Variants in INTS11 observed in about 807,000 individuals in gnomAD.
INTS11 encodes integrator complex subunit 11, also known as CPSF3-like protein.
In INTS11, 77 loss-of-function variants were observed where a neutral mutation model predicts 78.6. The observed-to-expected ratio is 0.98, with a 90% CI of 0.81 to 1.18. INTS11 has a LOEUF of 1.18. Ranked by LOEUF, INTS11 falls within the 50% of genes most tolerant of loss-of-function variation. The pLI is 0.00. For missense variants in INTS11, 875 were observed against 825.9 expected (o/e 1.06, Z -0.73); for synonymous variants, 441 against 326.9 (o/e 1.35, Z -3.77).
chr1:1,312,213 G>GGGGGGGGCCCCCCCCCCCCCCCCCCCC lies in INTS11; in HGVS notation c.1607+12_1607+13insGGGGGGGGGGGGGGGGGGGGCCCCCCC. Reference sequence around the variant, plus strand: ...CCCAAGGGAGTGGGGGGGGGGCGGGGCCGGGCGCCCACCTCTTGAGGTGGC... The same window carrying GGGGGGGGCCCCCCCCCCCCCCCCCCCC: ...CCCAAGGGAGTGGGGGGGGGGCGGGGGGGGGGGCCCCCCCCCCCCCCCCCCCCCCGGGCGCCCACCTCTTGAGGTGGC... On this transcript the variant is annotated intron_variant, in intron 15 of 16. Coordinates refer to ENST00000435064, the MANE Select transcript of INTS11 (RefSeq NM_017871.6). 2.1e-6 allele frequency: 2 copies of GGGGGGGGCCCCCCCCCCCCCCCCCCCC among 934,616 alleles called. No individual in the cohort carries two copies. Among genetic ancestry groups the GGGGGGGGCCCCCCCCCCCCCCCCCCCC allele is most frequent in the Non-Finnish European group, 1.6e-6 (1 of 636,664 alleles). 57.9% of individuals were successfully genotyped at this position (934,616 alleles called of 1,614,324 possible). A position where few individuals can be genotyped will look rare whatever the true frequency, so the allele number is the denominator to read the frequency against.
At chr1:1,323,029 TG>T (rs1643054947) in intron 1 of INTS11, 1 of 1,412,824 alleles carries the variant, frequency 7.1e-7, no homozygotes, top group African/African-American at 1.4e-5. Context: ...AGGGGCAGGC[TG>T]GGAGGACCCC....
In INTS11 at chr1:1,311,872, T is replaced by C; in HGVS notation, c.1790A>G (p.Gln597Arg). The C allele has an allele frequency of 6.4e-7, 1 of 1,560,838 alleles. No homozygotes were observed. Among genetic ancestry groups the C allele is most frequent in the South Asian group, 1.2e-5 (1 of 83,816 alleles). ...LTSLLKKGLPQAPS is the reference protein window; with the variant it reads ...LTSLLKKGLPRAPS ...GAGTTGCCGGCCTCAGCTGGGGGCCTGGGGGAGGCCCTTCTTCAGCAGAGA... is the reference window on the plus strand; with the variant it reads ...GAGTTGCCGGCCTCAGCTGGGGGCCCGGGGGAGGCCCTTCTTCAGCAGAGA... The change falls in exon 17 of 17, where the codon CAG (glutamine) becomes CGG (arginine). Residue 597 changes from glutamine (Q) to arginine (R), a missense_variant. Gln to Arg is a conservative substitution (Grantham distance 43). Coordinates refer to ENST00000435064, the MANE Select transcript of INTS11 (RefSeq NM_017871.6).
Position 1,311,775 on chromosome 1 carries a change from A to G in INTS11, c.*84T>C. On this transcript the variant is annotated 3_prime_UTR_variant, in exon 17 of 17. Transcript: ENST00000435064. ...TGGGACCTGCAGGGTCTGTTCACCC[A>G]GGGCACCCACAGTCCTGAAGTGCAG... The G allele has an allele frequency of 7.3e-7, 1 of 1,377,168 alleles. No individual in the cohort carries two copies. The highest frequency in any genetic ancestry group is 1.4e-5 in the South Asian group (1 of 73,760). The allele number at this position is 1,377,168 out of a possible 1,614,324, so 85.3% of individuals were successfully genotyped here.
In INTS11 at chr1:1,312,628, A is replaced by G; in HGVS notation, c.1367T>C (p.Ile456Thr). The change falls in exon 13 of 17, where the codon ATC (isoleucine) becomes ACC (threonine). Residue 456 changes from isoleucine (I) to threonine (T), a missense_variant. Physicochemically the swap from Ile to Thr is moderately conservative, Grantham distance 89. Transcript: ENST00000435064. ...CTCCCGCTTCAGCAGCCCCAGCGAG[A>G]TGCCTACGGGGATGCTGGGGCTTGT... ...LPTSPSIPVG[I>T]SLGLLKREMA... 6.3e-7 allele frequency: 1 copy of G among 1,584,188 alleles called. No homozygotes were observed. Among genetic ancestry groups the G allele is most frequent in the Non-Finnish European group, 8.6e-7 (1 of 1,160,624 alleles).
At chr1:1,319,163 T>G (rs755015463) in intron 4 of INTS11, 133 bp downstream of exon 4, 2 of 876,870 alleles carry the variant, frequency 2.3e-6, no homozygotes, top group Non-Finnish European at 3.9e-6. Flanking sequence ...CCCACGGTGC[T>G]GGACGCAAGA....
rs937794266 is a variant in INTS11 at position 1,312,960 on chromosome 1, C to A, written c.1132-11G>T. ...CATCTTGACCTCCAGCTACAGAGGCCACGGGGCGTGGACAGTGGTTACCAC... is the reference window on the plus strand; with the variant it reads ...CATCTTGACCTCCAGCTACAGAGGCAACGGGGCGTGGACAGTGGTTACCAC... On this transcript the variant is annotated splice_polypyrimidine_tract_variant and intron_variant, in intron 11 of 16. Transcript: ENST00000435064. The A allele has an allele frequency of 6.2e-7, 1 of 1,611,664 alleles. No homozygotes were observed.
chr1:1,324,651 G>T lies in INTS11; in HGVS notation c.-43C>A. 6.3e-7 allele frequency: 1 copy of T among 1,594,170 alleles called. No individual in the cohort carries two copies. Among genetic ancestry groups the T allele is most frequent in the East Asian group, 2.4e-5 (1 of 42,446 alleles). ...CGGACCCGCGAGGCCCGCCTGCGGT[G>T]ATGCACTGCGCAGGCGCAACCACCT... is the stretch of plus-strand genomic sequence containing the variant. On this transcript the variant is annotated 5_prime_UTR_variant, in exon 1 of 17. Coordinates refer to ENST00000435064, the MANE Select transcript of INTS11 (RefSeq NM_017871.6).
In INTS11 at chr1:1,312,648, G is replaced by T; in HGVS notation, c.1347C>A (p.Ser449Arg). 1.3e-6 allele frequency: 2 copies of T among 1,593,702 alleles called. No homozygotes were observed. The highest frequency in any genetic ancestry group is 1.7e-6 in the Non-Finnish European group (2 of 1,166,746). ...ANGETVTLPTSPSIPVGISLG... is the reference protein window; with the variant it reads ...ANGETVTLPTRPSIPVGISLG... ...GCGAGATGCCTACGGGGATGCTGGG[G>T]CTTGTGGGCAGCGTCACCGTCTCGC... The change falls in exon 13 of 17, where the codon AGC becomes AGA. Residue 449 changes from serine (S) to arginine (R), a missense_variant. Transcript: ENST00000435064.
In INTS11 at chr1:1,312,276, G is replaced by A. The variant is rs1642248859; in HGVS notation, c.1557C>T (p.Asp519=). The A allele has an allele frequency of 6.5e-7, 1 of 1,549,902 alleles. No individual in the cohort carries two copies. Among genetic ancestry groups the A allele is most frequent in the East Asian group, 2.4e-5 (1 of 41,264 alleles). ...ATGCCGTCTCCTGCTCCTTGCGTGT[G>A]TCATGCAGGTGCACGCGGCAGGTGA... ...LRFTCRVHLH[D]TRKEQETALR... is the part of the protein sequence containing the mutation. The change falls in exon 15 of 17, where the codon GAC becomes GAT. Residue 519 remains aspartate (D), a synonymous_variant. Coordinates refer to ENST00000435064, the MANE Select transcript of INTS11 (RefSeq NM_017871.6).
intron 4 of INTS11, chr1:1,316,254 C>T (rs1439383357): frequency 1.3e-5 from 2 of 155,190 alleles, no homozygotes; most frequent in African/African-American, 4.8e-5. Flanking sequence ...TGCACTCTAG[C>T]CTGGGCAATG....
rs1642419007 is a variant in INTS11, at chr1:1,314,039, G to A, written c.768-118C>T. On this transcript the variant is annotated intron_variant, in intron 8 of 16. Coordinates refer to ENST00000435064, the MANE Select transcript of INTS11 (RefSeq NM_017871.6). The surrounding 1 kb of genome is among the most constrained non-coding windows in gnomAD (Gnocchi z 4.2). The stretch of plus-strand genomic sequence containing the variant: ...ACAGCCCACGCACGGGCCAGGTTGA[G>A]TCCAGTCGCGACCACTTGTCCCATT... The A allele has an allele frequency of 9.5e-7, 1 of 1,049,718 alleles. No homozygotes were observed. The highest frequency in any genetic ancestry group is 1.4e-6 in the Non-Finnish European group (1 of 711,764). 65.0% of individuals were successfully genotyped at this position (1,049,718 alleles called of 1,614,324 possible).
chr1:1,324,179 G>GGGGGCTGCTGGGCTGA (rs1449906347), intron 1 of INTS11, among the ~76,000 whole-genome samples: 7 of 16,632 alleles, frequency 4.2e-4, no homozygotes, highest in African/African-American at 6.2e-4. Flanking sequence ...TGAGGGGCTG[G>GGGGGCTGCTGGGCTGA]GAGGCTGAGA....
chr1:1,321,197 C>A (rs921660437), intron 1 of INTS11, 104 bp from the exon 2 acceptor site: 46 of 858,738 alleles, frequency 5.4e-5, no homozygotes, highest in African/African-American at 1.5e-4. Flanking sequence ...CGGACCAAGT[C>A]TGCTGTGTGG....
At chr1:1,323,983 A>G (rs1269086503) in intron 1 of INTS11, among the ~76,000 whole-genome samples, 6 of 1,474 alleles carry the variant, frequency 4.1e-3, no homozygotes, top group African/African-American at 0.014. Flanking sequence ...GGGCTGGGGG[A>G]CTGAGGGGCT....
In INTS11 at chr1:1,311,886, C is replaced by G; in HGVS notation, c.1776G>C (p.Lys592Asn). ...AGCTGGGGGCCTGGGGGAGGCCCTT[C>G]TTCAGCAGAGATGTGAGGAAGCTCC... ...ELGSFLTSLL[K>N]KGLPQAPS The change falls in exon 17 of 17, where the codon AAG becomes AAC. Residue 592 changes from lysine to asparagine, a missense_variant. Lys to Asn is a moderately conservative substitution (Grantham distance 94, BLOSUM62 0). Transcript: ENST00000435064. The G allele has an allele frequency of 2.5e-6, 4 of 1,569,130 alleles. No homozygotes were observed. Among genetic ancestry groups the G allele is most frequent in the Non-Finnish European group, 3.5e-6 (4 of 1,157,318 alleles).
At chr1:1,319,131 C>T (rs763738398) in intron 4 of INTS11, 165 bp downstream of exon 4, 22 of 800,252 alleles carry the variant, frequency 2.7e-5, no homozygotes, top group African/African-American at 5.0e-5. Context: ...CCCGCATCCT[C>T]GCGCTGACGC....
Position 1,312,624 on chromosome 1 carries a change from C to G in INTS11, c.1371G>C (p.Ser457=). Residue 457 remains serine, a synonymous_variant, in exon 13 of 17, where the codon TCG becomes TCC. Transcript: ENST00000435064. Reference sequence around the variant, plus strand: ...CCATCTCCCGCTTCAGCAGCCCCAGCGAGATGCCTACGGGGATGCTGGGGC... The same window carrying G: ...CCATCTCCCGCTTCAGCAGCCCCAGGGAGATGCCTACGGGGATGCTGGGGC... The part of the protein sequence containing the change: ...PTSPSIPVGI[S]LGLLKREMAQ... 1 of 1,582,768 alleles carries G rather than the reference C, an allele frequency of 6.3e-7. No individual in the cohort carries two copies. Among genetic ancestry groups the G allele is most frequent in the Non-Finnish European group, 8.6e-7 (1 of 1,160,110 alleles).
chr1:1,314,285 T>C lies in INTS11; in HGVS notation c.767+16A>G. 6.3e-7 allele frequency: 1 copy of C among 1,584,444 alleles called. No homozygotes were observed. On this transcript the variant is annotated intron_variant, in intron 8 of 16. Coordinates refer to ENST00000435064, the MANE Select transcript of INTS11 (RefSeq NM_017871.6). The surrounding 1 kb of genome is among the most constrained non-coding windows in gnomAD (Gnocchi z 4.2). Reference sequence around the variant, plus strand: ...GGGCCAGGGGCTCCTTAAAGAGCCGTCCTGGCGGCACCTACCAGAAGGTCT... The same window carrying C: ...GGGCCAGGGGCTCCTTAAAGAGCCGCCCTGGCGGCACCTACCAGAAGGTCT...
chr1:1,314,385 G>C lies in INTS11; in HGVS notation c.703-20C>G. ...CAGCACCTGAGGGGGACACAAGGCAGGAGCCCTGGGCACATGGCCCCTCGA... is the reference window on the plus strand; with the variant it reads ...CAGCACCTGAGGGGGACACAAGGCACGAGCCCTGGGCACATGGCCCCTCGA... On this transcript the variant is annotated intron_variant, in intron 7 of 16. Transcript: ENST00000435064. This position sits in a 1 kb window ranked among gnomAD's most constrained non-coding sequence, Gnocchi z 4.2. 1 of 1,597,908 alleles carries C rather than the reference G, an allele frequency of 6.3e-7. No homozygotes were observed. The highest frequency in any genetic ancestry group is 1.1e-5 in the South Asian group (1 of 89,202).
Sources: allele counts gnomAD v4.1 joint callset (sites outside exome capture counted in the v4.1 genomes callset), GRCh38; gene constraint gnomAD v4.1.1; non-coding constraint Gnocchi (gnomAD v3.1); transcripts MANE v1.5; gene names NCBI Gene and HGNC (gene_info 2026-07-23, HGNC 2026-07-21).